The following GLT1D1 variants were observed in gnomAD, a reference collection of about 807,000 sequenced individuals.
GLT1D1 encodes the protein glycosyltransferase 1 domain-containing protein 1.
A neutral mutation model predicts 28.7 loss-of-function variants in GLT1D1; 21 were observed. The observed-to-expected ratio is 0.73, with a 90% CI of 0.52 to 1.05. GLT1D1 has a LOEUF of 1.05. Ranked by LOEUF, GLT1D1 falls within the 50% of genes least tolerant of loss-of-function variation. GLT1D1 has a pLI of 0.00. For synonymous variants in GLT1D1, 147 were observed against 124.8 expected (o/e 1.18, Z -1.19); for missense variants, 343 against 330.6 (o/e 1.04, Z -0.29).
Position 128,853,567 on chromosome 12 carries a change from G to C in GLT1D1, c.-15G>C. The C allele has an allele frequency of 1.8e-6, 2 of 1,087,646 alleles. No homozygotes were observed. The highest frequency in any genetic ancestry group is 2.2e-6 in the Non-Finnish European group (2 of 895,388). 67.4% of individuals were successfully genotyped at this position (1,087,646 alleles called of 1,614,324 possible). A position where few individuals can be genotyped will look rare whatever the true frequency, so the allele number is the denominator to read the frequency against. On this transcript the variant is annotated 5_prime_UTR_variant, in exon 1 of 8. Transcript: ENST00000281703. Reference sequence around the variant, plus strand: ...GGCGGCGGGGCCGGTCGATGGCCCGGGCGGCGGCGGCGGCATGCGGCTCCT... The same window carrying C: ...GGCGGCGGGGCCGGTCGATGGCCCGCGCGGCGGCGGCGGCATGCGGCTCCT...
intron 4 of GLT1D1, among the ~76,000 whole-genome samples, chr12:128,923,556 C>CT (rs1362834882): frequency 7.9e-5 from 12 of 151,554 alleles, no homozygotes; most frequent in African/African-American, 2.4e-4. Flanking sequence ...GAGTCTCACT[C>CT]TGTTACCCAG....
Position 128,923,811 on chromosome 12 carries a change from C to T in GLT1D1, c.376-21515C>T, listed in dbSNP as rs1053671371. 3.9e-5 allele frequency among the ~76,000 whole-genome samples: 6 copies of T among 152,020 alleles called. No individual in the cohort carries two copies. In the East Asian group the frequency reaches 5.8e-4, roughly 15 times the overall value. On this transcript the variant is annotated intron_variant, in intron 4 of 7. Coordinates refer to ENST00000281703, the MANE Select transcript of GLT1D1 (RefSeq NM_144669.3). The stretch of plus-strand genomic sequence containing the variant: ...TTGGGATTACAGGCGTGAGCCACTG[C>T]GTCTGGCCAGGATCCCTCACTTTAG...
At chr12:128,854,949 G>T (rs899870063) in intron 1 of GLT1D1, among the ~76,000 whole-genome samples, 3 of 152,250 alleles carry the variant, frequency 2.0e-5, no homozygotes, top group Non-Finnish European at 4.4e-5. Flanking sequence ...GTTTCATGGT[G>T]CAGGTTTCTA....
At chr12:128,886,046 C>T (rs1310532133) in intron 2 of GLT1D1, among the ~76,000 whole-genome samples, 1 of 152,170 alleles carries the variant, frequency 6.6e-6, no homozygotes, top group African/African-American at 2.4e-5. Flanking sequence ...GAATAAGTCT[C>T]TCATGATCTG....
At chr12:128,864,155 C>T (rs1248859433) in intron 1 of GLT1D1, 12 of 684,562 alleles carry the variant, frequency 1.8e-5, no homozygotes, top group South Asian at 3.1e-5. Flanking sequence ...ATGCTGACTG[C>T]GAGGTGCCTG....
chr12:128,876,021 C>T lies in GLT1D1; in HGVS notation c.176C>T (p.Ala59Val), dbSNP rs1489173497. The T allele has an allele frequency of 1.2e-6, 2 of 1,613,788 alleles. No individual in the cohort carries two copies. The highest frequency in any genetic ancestry group is 2.7e-5 in the African/African-American group (2 of 75,008). Residue 59 changes from alanine to valine, a missense_variant, in exon 2 of 8, where the codon GCC becomes GTC. Coordinates refer to ENST00000281703, the MANE Select transcript of GLT1D1 (RefSeq NM_144669.3). ...ATCTTGGCTGAGAACTGCGAGGCTGCCCTGGCTCTTCATCTCTATAGGGGA... is the reference window on the plus strand; with the variant it reads ...ATCTTGGCTGAGAACTGCGAGGCTGTCCTGGCTCTTCATCTCTATAGGGGA...
At chr12:128,858,091 C>T (rs55989959) in intron 1 of GLT1D1, among the ~76,000 whole-genome samples, 4,912 of 152,178 alleles carry the variant, frequency 0.032, 292 homozygotes, top group African/African-American at 0.11. Context: ...ACACTTTCAG[C>T]GTTTTTAAAG....
chr12:128,896,225 G>T (rs1272447499), intron 3 of GLT1D1, among the ~76,000 whole-genome samples: 1 of 152,120 alleles, frequency 6.6e-6, no homozygotes, highest in Non-Finnish European at 1.5e-5. Flanking sequence ...GATTAAGGGA[G>T]TAGTTTTTAT....
chr12:128,899,838 C>T (rs920390580), intron 4 of GLT1D1, among the ~76,000 whole-genome samples: 9 of 152,224 alleles, frequency 5.9e-5, no homozygotes, highest in African/African-American at 2.2e-4. Context: ...AGGCATGAGC[C>T]ACCGAACCTG....
At chr12:128,970,405 C>T (rs1193235128) in intron 7 of GLT1D1, among the ~76,000 whole-genome samples, 1 of 152,234 alleles carries the variant, frequency 6.6e-6, no homozygotes, top group Non-Finnish European at 1.5e-5. Flanking sequence ...ACTGCACTCC[C>T]GGACCGAGGG....
intron 6 of GLT1D1, among the ~76,000 whole-genome samples, chr12:128,956,171 A>AAAAAAAAAAAAAAAAAG (rs374597920): frequency 0.033 from 2,118 of 63,334 alleles, 323 homozygotes; most frequent in Admixed American, 0.055. Context: ...AAAAAAAAAA[A>AAAAAAAAAAAAAAAAAG]AGAGAAAGAG....
At chr12:128,946,841 G>A (rs757920459) in intron 5 of GLT1D1, among the ~76,000 whole-genome samples, 22 of 150,368 alleles carry the variant, frequency 1.5e-4, no homozygotes, top group Non-Finnish European at 2.8e-4. Flanking sequence ...TAGAGACGGG[G>A]TTTCGCCATG....
At chr12:128,953,388 G>A (rs1876928245) in intron 6 of GLT1D1, among the ~76,000 whole-genome samples, 1 of 151,956 alleles carries the variant, frequency 6.6e-6, no homozygotes. Flanking sequence ...TATTGCCCAA[G>A]CTGGCCTCAA....
In GLT1D1 at chr12:128,877,772, T is replaced by A. The variant is rs147375420; in HGVS notation, c.217+1710T>A. On this transcript the variant is annotated intron_variant, in intron 2 of 7. Coordinates refer to ENST00000281703, the MANE Select transcript of GLT1D1 (RefSeq NM_144669.3). Reference sequence around the variant, plus strand: ...CCCCCTGCCCCAACTTAGTTGCTTATCGCAGTACATTTGTTATCTAATGGT... The same window carrying A: ...CCCCCTGCCCCAACTTAGTTGCTTAACGCAGTACATTTGTTATCTAATGGT... 7.4e-3 allele frequency among the ~76,000 whole-genome samples: 1,133 copies of A among 152,364 alleles called. 6 individuals are homozygous for A. Among genetic ancestry groups the A allele is most frequent in the Middle Eastern group, 0.024 (7 of 294 alleles).
chr12:128,883,319 T>C (rs12818957), intron 2 of GLT1D1, among the ~76,000 whole-genome samples: 64,007 of 150,614 alleles, frequency 0.42, 14,297 homozygotes, highest in African/African-American at 0.57. Flanking sequence ...GGGCCGGGCG[T>C]AGTGGCTCAT....
intron 4 of GLT1D1, among the ~76,000 whole-genome samples, chr12:128,909,949 G>C (rs1871347549): frequency 6.6e-6 from 1 of 152,232 alleles, no homozygotes; most frequent in African/African-American, 2.4e-5. Context: ...AATAAATATT[G>C]AGCAAAGAAA....
intron 4 of GLT1D1, among the ~76,000 whole-genome samples, chr12:128,911,619 C>T (rs2135884180): frequency 6.6e-6 from 1 of 152,300 alleles, no homozygotes; most frequent in African/African-American, 2.4e-5. Flanking sequence ...GAGAAACCGT[C>T]CTTGGCATGG....
Position 128,914,875 on chromosome 12 carries a change from T to C in GLT1D1, c.375+15588T>C, listed in dbSNP as rs140867982. ...ATAAGCCTCAACACAAAATAACTCATTGTATTTCAGCAGTCGCTTCAAAGT... is the reference window on the plus strand; with the variant it reads ...ATAAGCCTCAACACAAAATAACTCACTGTATTTCAGCAGTCGCTTCAAAGT... On this transcript the variant is annotated intron_variant, in intron 4 of 7. Coordinates refer to ENST00000281703, the MANE Select transcript of GLT1D1 (RefSeq NM_144669.3). 7.0e-5 allele frequency: 80 copies of C among 1,150,960 alleles called. No individual in the cohort carries two copies. In the African/African-American group the frequency reaches 9.5e-4, roughly 14 times the overall value. 71.3% of individuals were successfully genotyped at this position (1,150,960 alleles called of 1,614,324 possible).
intron 1 of GLT1D1, among the ~76,000 whole-genome samples, chr12:128,866,698 G>A (rs1956533851): frequency 6.8e-6 from 1 of 146,588 alleles, no homozygotes; most frequent in African/African-American, 2.5e-5. Flanking sequence ...TTAGCTCATT[G>A]CAACCTCCAT....
Sources: allele counts gnomAD v4.1 joint callset (sites outside exome capture counted in the v4.1 genomes callset), GRCh38; gene constraint gnomAD v4.1.1; transcripts MANE v1.5; gene names NCBI Gene and HGNC (gene_info 2026-07-23, HGNC 2026-07-21).